The following CTDSPL variants were observed in gnomAD, a reference collection of about 807,000 sequenced individuals.
CTDSPL encodes the protein CTD small phosphatase-like protein.
A neutral mutation model predicts 30.5 loss-of-function variants in CTDSPL; 8 were observed. The ratio of observed to expected loss-of-function variants is 0.26; its 90% CI spans 0.15 to 0.47. The LOEUF is 0.47. Among genes scored for constraint, CTDSPL ranks in the 20% least tolerant of loss-of-function variants. The probability of loss-of-function intolerance (pLI) is 0.99; values close to 1 mark genes in which losing one functional copy is unlikely to be tolerated. For missense variants in CTDSPL, 248 were observed against 366.1 expected, an observed-to-expected ratio of 0.68 and a Z score of 2.63; for synonymous variants, 110 against 137.9, an observed-to-expected ratio of 0.80 and a Z score of 1.42.
At chr3:37,964,032 T>TAAAAAAAAAAAAAA (rs58061973) in intron 3 of CTDSPL, among the ~76,000 whole-genome samples, 3 of 22,990 alleles carry the variant, frequency 1.3e-4, no homozygotes, top group Non-Finnish European at 2.7e-4. Flanking sequence ...TCTCAGTCAC[T>TAAAAAAAAAAAAAA]AAAAAAAAAA....
At position 37,948,845 on chromosome 3, in the gene CTDSPL, G is replaced by A. The variant is rs538276573; in HGVS notation, c.234+1634G>A. On this transcript the variant is annotated intron_variant, in intron 2 of 7. Transcript: ENST00000273179. ...TTTTTTTTTTTTGAGACGGAGTCTC[G>A]CTCTGTCGCCCAGGCCGGACTGCGG... 5.2e-3 allele frequency among the ~76,000 whole-genome samples: 586 copies of A among 113,176 alleles called. 2 individuals carry two copies. Among genetic ancestry groups the A allele is most frequent in the Non-Finnish European group, 7.0e-3 (430 of 61,498 alleles). The allele number at this position is 113,176 out of a possible 152,430, so 74.2% of individuals were successfully genotyped here. A position where few individuals can be genotyped will look rare whatever the true frequency, so the allele number is the denominator to read the frequency against.
chr3:37,969,292 C>T (rs1464599104), intron 5 of CTDSPL: 7 of 459,258 alleles, frequency 1.5e-5, no homozygotes, highest in Admixed American at 9.7e-5. Context: ...CACCCTCCAT[C>T]CTGGCTGTGC....
At chr3:37,921,693 A>G (rs1698718584) in intron 1 of CTDSPL, among the ~76,000 whole-genome samples, 2 of 151,966 alleles carry the variant, frequency 1.3e-5, no homozygotes, top group South Asian at 2.1e-4. Context: ...ATATTGAACT[A>G]TTATGACTCT....
chr3:37,962,186 T>C lies in CTDSPL; in HGVS notation c.268-2385T>C, dbSNP rs1035787703. ...TTCAAGCATCACCTGAACAGATCAATTGAAGTAACAAAGCACTGTGTATTG... is the reference window on the plus strand; with the variant it reads ...TTCAAGCATCACCTGAACAGATCAACTGAAGTAACAAAGCACTGTGTATTG... On this transcript the variant is annotated intron_variant, in intron 3 of 7. Transcript: ENST00000273179. Among the ~76,000 whole-genome samples the C allele has an allele frequency of 1.6e-4, 25 of 152,358 alleles. 1 individual carries two copies. In the East Asian group the frequency reaches 3.9e-3, roughly 23 times the overall value.
At chr3:37,915,605 G>A (rs1698636798) in intron 1 of CTDSPL, among the ~76,000 whole-genome samples, 1 of 151,978 alleles carries the variant, frequency 6.6e-6, no homozygotes, top group East Asian at 1.9e-4. Context: ...TAGTTATTTT[G>A]TTTTTAAAAT....
At chr3:37,953,738 A>C (rs1253271861) in intron 2 of CTDSPL, among the ~76,000 whole-genome samples, 1 of 152,220 alleles carries the variant, frequency 6.6e-6, no homozygotes, top group Non-Finnish European at 1.5e-5. Flanking sequence ...AAATCTTTAT[A>C]TATAAAATCA....
intron 1 of CTDSPL, among the ~76,000 whole-genome samples, chr3:37,880,377 A>T (rs1366078711): frequency 1.3e-5 from 2 of 152,152 alleles, no homozygotes; most frequent in Non-Finnish European, 2.9e-5. Context: ...TTTGGAGACT[A>T]TTACAAGCCC....
At chr3:37,919,885 A>C (rs2226461) in intron 1 of CTDSPL, among the ~76,000 whole-genome samples, 46,732 of 151,940 alleles carry the variant, frequency 0.31, 9,086 homozygotes, top group African/African-American at 0.55. Flanking sequence ...GAGAAGGGAA[A>C]TGGCTAGAAG....
intron 7 of CTDSPL, among the ~76,000 whole-genome samples, chr3:37,979,733 C>T (rs1365044793): frequency 6.6e-6 from 1 of 152,182 alleles, no homozygotes; most frequent in African/African-American, 2.4e-5. Context: ...GCACTCAAGC[C>T]TGGGTGACAG....
rs138844317 is a variant in CTDSPL, at chr3:37,965,891, T to C, written c.369+1219T>C. 1.4e-3 allele frequency among the ~76,000 whole-genome samples: 218 copies of C among 152,298 alleles called. 1 individual carries two copies. Among genetic ancestry groups the C allele is most frequent in the African/African-American group, 4.9e-3 (202 of 41,560 alleles). On this transcript the variant is annotated intron_variant, in intron 4 of 7. Coordinates refer to ENST00000273179, the MANE Select transcript of CTDSPL (RefSeq NM_001008392.2). ...CAGGGACCACCTCATTCCCTAGCAC[T>C]TGAGGACCAGCCCCTTCCATAGTTG...
chr3:37,872,082 C>T (rs1307228127), intron 1 of CTDSPL, among the ~76,000 whole-genome samples: 2 of 152,196 alleles, frequency 1.3e-5, no homozygotes, highest in Non-Finnish European at 2.9e-5. Flanking sequence ...GCCTCAACCT[C>T]ATGGACTCAA....
intron 1 of CTDSPL, among the ~76,000 whole-genome samples, chr3:37,898,778 A>G (rs1698416872): frequency 6.6e-6 from 1 of 152,140 alleles, no homozygotes; most frequent in South Asian, 2.1e-4. Flanking sequence ...AAAATTAATT[A>G]ATTACAGATT....
chr3:37,921,575 A>G (rs1698715440), intron 1 of CTDSPL, among the ~76,000 whole-genome samples: 1 of 151,398 alleles, frequency 6.6e-6, no homozygotes, highest in Non-Finnish European at 1.5e-5. Flanking sequence ...CAGCACCTGG[A>G]AGATGGTCGA....
intron 1 of CTDSPL, among the ~76,000 whole-genome samples, chr3:37,880,603 A>G (rs1698192289): frequency 6.6e-6 from 1 of 152,216 alleles, no homozygotes; most frequent in Admixed American, 6.5e-5. Flanking sequence ...CTTGTGTACT[A>G]CGAATCGTAG....
At chr3:37,927,706 A>ATATATAT (rs61251867) in intron 1 of CTDSPL, among the ~76,000 whole-genome samples, 1 of 144,540 alleles carries the variant, frequency 6.9e-6, no homozygotes, top group African/African-American at 2.7e-5. Flanking sequence ...ATATATATAT[A>ATATATAT]AAAAATGAAA....
intron 1 of CTDSPL, among the ~76,000 whole-genome samples, chr3:37,891,895 CAT>C (rs1698331559): frequency 6.6e-6 from 1 of 151,630 alleles, no homozygotes; most frequent in African/African-American, 2.4e-5. Flanking sequence ...CATACATGTA[CAT>C]ACATGTACAC....
intron 1 of CTDSPL, among the ~76,000 whole-genome samples, chr3:37,927,420 C>A (rs956222046): frequency 2.0e-5 from 3 of 151,888 alleles, no homozygotes; most frequent in African/African-American, 7.3e-5. Context: ...TATGTATGTG[C>A]AAATATTCCA....
intron 5 of CTDSPL, chr3:37,969,315 A>G (rs932841220): frequency 1.5e-5 from 7 of 470,650 alleles, no homozygotes; most frequent in African/African-American, 9.9e-5. Flanking sequence ...TGATATCACA[A>G]GGTCCCAGGG....
chr3:37,929,740 C>A (rs930992232), intron 1 of CTDSPL, among the ~76,000 whole-genome samples: 3 of 152,154 alleles, frequency 2.0e-5, no homozygotes, highest in Non-Finnish European at 2.9e-5. Context: ...TTACTTCTTC[C>A]TTTCTGATTT....
Sources: gnomAD v4.1 joint callset for allele counts (sites outside exome capture counted in the v4.1 genomes callset) on GRCh38, gnomAD v4.1.1 for gene constraint, MANE v1.5 for transcripts, NCBI Gene and HGNC (gene_info 2026-07-23, HGNC 2026-07-21) for gene names.